The following SEPTIN3 variants were observed in gnomAD, a reference collection of about 807,000 sequenced individuals.
SEPTIN3 encodes neuronal-specific septin-3.
A neutral mutation model predicts 45.1 loss-of-function variants in SEPTIN3; 15 were observed. The observed-to-expected ratio is 0.33, with a 90% CI of 0.22 to 0.51. SEPTIN3 has a LOEUF of 0.51. SEPTIN3 is among the 20% of genes least tolerant of loss of function. The pLI is 0.97. For synonymous variants in SEPTIN3, 148 were observed against 164.8 expected, an observed-to-expected ratio of 0.90 and a Z score of 0.78; for missense variants, 289 against 457.2, an observed-to-expected ratio of 0.63 and a Z score of 3.35.
intron 2 of SEPTIN3, among the ~76,000 whole-genome samples, chr22:41,974,786 C>T (rs1383066068): frequency 7.3e-6 from 1 of 136,540 alleles, no homozygotes; most frequent in Non-Finnish European, 1.5e-5. Context: ...ACCCGGGAGG[C>T]GGAGGTTGCA....
In SEPTIN3 at chr22:41,987,283, A is replaced by G. The variant is rs1362034325; in HGVS notation, c.1903A>G (p.Asn635Asp). The G allele has an allele frequency of 1.2e-6, 2 of 1,612,366 alleles. No homozygotes were observed. The highest frequency in any genetic ancestry group is 1.3e-5 in the African/African-American group (1 of 74,880). Reference sequence around the variant, plus strand: ...CTTTGGAGACCAAATCAACAATGAAAACTGGTATCTGTCTGCCTCTGAGAT... The same window carrying G: ...CTTTGGAGACCAAATCAACAATGAAGACTGGTATCTGTCTGCCTCTGAGAT... ...PGFGDQINNE[N>D]CWEPIEKYIN... Residue 635 changes from asparagine (N) to aspartate (D), a missense_variant, in exon 5 of 12, where the codon AAC (asparagine) becomes GAC (aspartate). Physicochemically the swap from Asn to Asp is conservative, Grantham distance 23. Coordinates refer to ENST00000644076, the MANE Select transcript of SEPTIN3 (RefSeq NM_001363845.2).
rs751374313 is a variant in SEPTIN3, at chr22:41,987,243, C to T, written c.1863C>T (p.Val621=). 6 of 1,613,722 alleles carry T rather than the reference C, an allele frequency of 3.7e-6. 1 individual carries two copies. The South Asian group carries it at 6.6e-5, about 18-fold the overall frequency. ...EEGGVKMKLT[V]IDTPGFGDQI... ...GCGGTGTCAAAATGAAGCTGACCGT[C>T]ATCGACACCCCAGGCTTTGGAGACC... The change falls in exon 5 of 12, where the codon GTC becomes GTT. Residue 621 remains valine (V), a synonymous_variant. Transcript: ENST00000644076.
intron 2 of SEPTIN3, among the ~76,000 whole-genome samples, chr22:41,979,178 G>A (rs1252246636): frequency 6.6e-6 from 1 of 152,124 alleles, no homozygotes; most frequent in Non-Finnish European, 1.5e-5. Context: ...GTGGGCCTGT[G>A]GTAGCCCCTA....
intron 7 of SEPTIN3, among the ~76,000 whole-genome samples, chr22:41,990,779 AT>A (rs889213306): frequency 7.3e-6 from 1 of 136,072 alleles, no homozygotes; most frequent in Non-Finnish European, 1.6e-5. Context: ...GAAACTTACA[AT>A]TGGCTGGGGG....
intron 7 of SEPTIN3, among the ~76,000 whole-genome samples, chr22:41,990,472 G>A (rs147761812): frequency 2.5e-4 from 38 of 151,902 alleles, no homozygotes; most frequent in South Asian, 6.2e-4. Context: ...CCAGTTGGGC[G>A]TGGTGGCTCA....
chr22:41,994,315 T>G lies in SEPTIN3; in HGVS notation c.2385T>G (p.Phe795Leu), dbSNP rs761236996. 1 of 1,614,138 alleles carries G rather than the reference T, an allele frequency of 6.2e-7. No homozygotes were observed. The highest frequency in any genetic ancestry group is 1.1e-5 in the South Asian group (1 of 91,090). The change falls in exon 10 of 12, where the codon TTT becomes TTG. Residue 795 changes from phenylalanine to leucine, a missense_variant. Phe to Leu is a conservative substitution (Grantham distance 22). Around this residue, in one of 3 missense-constraint regions of SEPTIN3, gnomAD observed 84 missense variants for 114.7 expected, o/e 0.73. Transcript: ENST00000644076. The surrounding 1 kb of genome is among the most constrained non-coding windows in gnomAD (Gnocchi z 4.2). ...IEVENLNHCE[F>L]ALLRDFVIRT... The stretch of plus-strand genomic sequence containing the variant: ...TGGAAAACCTCAACCACTGTGAGTT[T>G]GCCCTGCTTCGAGACTTTGTCATCA...
chr22:41,996,767 G>A, intron 11 of SEPTIN3, 135 bp from the exon 12 acceptor site: 1 of 1,524,488 alleles, frequency 6.6e-7, no homozygotes, highest in Non-Finnish European at 8.8e-7. Context: ...TGGGAGGTGG[G>A]CGTTGGAAAG....
chr22:41,987,368 A>G (rs975324152), intron 5 of SEPTIN3, 81 bp downstream of exon 5: 10 of 1,337,284 alleles, frequency 7.5e-6, no homozygotes, highest in Non-Finnish European at 1.0e-5. Flanking sequence ...ATTCACGTTG[A>G]GAACCATCTG....
Position 41,981,668 on chromosome 22 carries a change from G to A in SEPTIN3, c.1528G>A (p.Ala510Thr), listed in dbSNP as rs182659071. The change falls in exon 3 of 12, where the codon GCA (alanine) becomes ACA (threonine). Residue 510 changes from alanine to threonine, a missense_variant. By Grantham distance (58) the Ala-to-Thr change is moderately conservative. This residue lies in a region of SEPTIN3 where 200 missense variants were observed against 315.1 expected (regional missense o/e 0.63). Coordinates refer to ENST00000644076, the MANE Select transcript of SEPTIN3 (RefSeq NM_001363845.2). ...YKGLPETRTD[A>T]AMSELVPEPR... ...AGGGCTCCCAGAGACCAGGACGGAC[G>A]CAGCCATGTCAGAGCTGGTGCCTGA... 8.1e-6 allele frequency: 13 copies of A among 1,613,366 alleles called. No homozygotes were observed. Among genetic ancestry groups the A allele is most frequent in the African/African-American group, 4.0e-5 (3 of 75,032 alleles).
chr22:41,985,607 T>C (rs956752539), intron 3 of SEPTIN3: 8 of 186,900 alleles, frequency 4.3e-5, no homozygotes, highest in African/African-American at 7.1e-5. Context: ...TGAGGCAGTA[T>C]CAGGATGCAA....
At chr22:41,992,105 CG>C (rs1258730369) in intron 8 of SEPTIN3, among the ~76,000 whole-genome samples, 1 of 152,036 alleles carries the variant, frequency 6.6e-6, no homozygotes, top group Non-Finnish European at 1.5e-5. Flanking sequence ...ATTGGCTGGG[CG>C]TGGTGACTCA....
At chr22:41,982,029 T>A in intron 3 of SEPTIN3, 193 bp downstream of exon 3, 1 of 595,166 alleles carries the variant, frequency 1.7e-6, no homozygotes, top group Non-Finnish European at 3.0e-6. Context: ...GGTAGGAGCT[T>A]CAGGTGGATG....
intron 2 of SEPTIN3, among the ~76,000 whole-genome samples, chr22:41,977,302 G>A (rs1336736308): frequency 6.6e-6 from 1 of 152,058 alleles, no homozygotes; most frequent in Non-Finnish European, 1.5e-5. Context: ...CACGCAAGCA[G>A]GGACCCAGAT....
rs541136098 is a variant in SEPTIN3, at chr22:41,989,694, C to T, written c.2163+10C>T. 1.3e-6 allele frequency: 2 copies of T among 1,534,550 alleles called. No individual in the cohort carries two copies. The highest frequency in any genetic ancestry group is 2.2e-5 in the East Asian group (1 of 44,450). On this transcript the variant is annotated intron_variant, in intron 7 of 11. Coordinates refer to ENST00000644076, the MANE Select transcript of SEPTIN3 (RefSeq NM_001363845.2). ...TGAATTCAAGCAAAGGGTGAGAAGG[C>T]CCCCTGTCTTCTTTTCCTGTTCCCA...
At chr22:41,978,025 C>T (rs917981478) in intron 2 of SEPTIN3, among the ~76,000 whole-genome samples, 1 of 152,158 alleles carries the variant, frequency 6.6e-6, no homozygotes, top group Non-Finnish European at 1.5e-5. Context: ...ACCATCTAGC[C>T]AGGATGGCAG....
intron 3 of SEPTIN3, among the ~76,000 whole-genome samples, chr22:41,984,433 A>AT (rs2078169878): frequency 6.6e-6 from 1 of 152,178 alleles, no homozygotes; most frequent in African/African-American, 2.4e-5. Context: ...GAGATTCTGC[A>AT]TTTCCTACTA....
intron 11 of SEPTIN3, chr22:41,995,889 T>C (rs2078426483): frequency 1.8e-5 from 17 of 953,926 alleles, no homozygotes; most frequent in Non-Finnish European, 2.1e-5. Flanking sequence ...CATCAGGTTC[T>C]AGAACTAATT....
At chr22:41,992,132 A>C (rs111342555) in intron 8 of SEPTIN3, among the ~76,000 whole-genome samples, 7,757 of 152,222 alleles carry the variant, frequency 0.051, 651 homozygotes, top group African/African-American at 0.17. Flanking sequence ...GTATCCCAGC[A>C]CTTTGGGAGG....
chr22:41,991,425 T>C, intron 7 of SEPTIN3, 148 bp from the exon 8 acceptor site: 1 of 663,376 alleles, frequency 1.5e-6, no homozygotes, highest in South Asian at 1.7e-5. Flanking sequence ...ATCTTCCTGC[T>C]GCTCAGGGTC....
Sources: allele counts gnomAD v4.1 joint callset (sites outside exome capture counted in the v4.1 genomes callset), GRCh38; gene constraint gnomAD v4.1.1; regional missense constraint gnomAD v4.1.1; non-coding constraint Gnocchi (gnomAD v3.1); transcripts MANE v1.5; gene names NCBI Gene and HGNC (gene_info 2026-07-23, HGNC 2026-07-21).